Variants in KCTD1 observed in about 807,000 individuals in gnomAD.
KCTD1 encodes the protein BTB/POZ domain-containing protein KCTD1.
In KCTD1, 24 loss-of-function variants were observed where a neutral mutation model predicts 66.0. That is an observed-to-expected ratio of 0.36 (90% CI 0.26 to 0.51). The LOEUF (loss-of-function observed/expected upper bound fraction) is 0.51, where lower values mean the gene tolerates loss of function less well. Among genes scored for constraint, KCTD1 ranks in the 20% least tolerant of loss-of-function variants. The probability of loss-of-function intolerance (pLI) is 0.95; values close to 1 mark genes in which losing one functional copy is unlikely to be tolerated. For synonymous variants in KCTD1, 511 were observed against 517.2 expected, an observed-to-expected ratio of 0.99 and a Z score of 0.16; for missense variants, 943 against 1,205.2, an observed-to-expected ratio of 0.78 and a Z score of 3.22.
At chr18:26,516,438 C>G (rs535397329) in intron 1 of KCTD1, among the ~76,000 whole-genome samples, 1 of 152,254 alleles carries the variant, frequency 6.6e-6, no homozygotes, top group South Asian at 2.1e-4. Flanking sequence ...CTTCAGTCCT[C>G]CCGCCAACCA....
chr18:26,653,397 C>T (rs576482290), intron 1 of KCTD1, among the ~76,000 whole-genome samples: 5 of 152,334 alleles, frequency 3.3e-5, no homozygotes, highest in African/African-American at 9.6e-5. Flanking sequence ...TCCTTTAGAT[C>T]TCAGTGTGTG....
intron 1 of KCTD1, among the ~76,000 whole-genome samples, chr18:26,636,815 A>T (rs537434766): frequency 6.6e-6 from 1 of 152,174 alleles, no homozygotes; most frequent in African/African-American, 2.4e-5. Flanking sequence ...GGCCCCCACT[A>T]AAGTTATTTG....
chr18:26,569,811 T>G (rs761661524), intron 1 of KCTD1, among the ~76,000 whole-genome samples: 1 of 152,202 alleles, frequency 6.6e-6, no homozygotes, highest in Non-Finnish European at 1.5e-5. Context: ...ACACAGCTTA[T>G]AAAGCTATTC....
At chr18:26,510,990 C>A (rs529490680) in intron 1 of KCTD1, among the ~76,000 whole-genome samples, 7 of 152,134 alleles carry the variant, frequency 4.6e-5, no homozygotes, top group African/African-American at 1.7e-4. Flanking sequence ...ATGCTATGGG[C>A]AAAAATTTTC....
chr18:26,634,145 T>G (rs1361225779), upstream of KCTD1, among the ~76,000 whole-genome samples: 3 of 152,156 alleles, frequency 2.0e-5, no homozygotes, highest in Non-Finnish European at 4.4e-5. Flanking sequence ...TATGTATCAG[T>G]ATGTTTAAAT....
intron 1 of KCTD1, among the ~76,000 whole-genome samples, chr18:26,534,406 T>G (rs1984591538): frequency 6.6e-6 from 1 of 152,168 alleles, no homozygotes; most frequent in Admixed American, 6.5e-5. Flanking sequence ...CATTATTTTA[T>G]CCTTGCCAAA....
intron 3 of KCTD1, among the ~76,000 whole-genome samples, chr18:26,464,516 C>A (rs141242296): frequency 5.3e-5 from 8 of 152,312 alleles, no homozygotes; most frequent in Admixed American, 2.0e-4. Context: ...GGCAAGCTTC[C>A]CCCTCACAGT....
chr18:26,469,534 T>C (rs963701997), intron 3 of KCTD1, among the ~76,000 whole-genome samples: 3 of 152,246 alleles, frequency 2.0e-5, no homozygotes, highest in African/African-American at 7.2e-5. Context: ...TAAAAATGAA[T>C]GGCTACTATC....
rs181685983 is a variant in KCTD1, at chr18:26,562,675, G to T, written c.-15-61425C>A. 3.1e-3 allele frequency among the ~76,000 whole-genome samples: 477 copies of T among 152,250 alleles called. 1 individual carries two copies. Among genetic ancestry groups the T allele is most frequent in the African/African-American group, 9.7e-3 (401 of 41,528 alleles). On this transcript the variant is annotated intron_variant, in intron 1 of 4. Coordinates refer to the KCTD1 transcript ENST00000317932. ...ATTAACAAAATACTATAGACTGGGTGGCTTAAACAACAGAAATTAATTTTC... is the reference window on the plus strand; with the variant it reads ...ATTAACAAAATACTATAGACTGGGTTGCTTAAACAACAGAAATTAATTTTC...
intron 2 of KCTD1, among the ~76,000 whole-genome samples, chr18:26,500,779 C>CT: frequency 6.6e-6 from 1 of 152,258 alleles, no homozygotes; most frequent in African/African-American, 2.4e-5. Context: ...AAATCACCAT[C>CT]TTTTTTTGTA....
chr18:26,458,192 C>T (rs1980205289), intron 4 of KCTD1: 1 of 152,400 alleles, frequency 6.6e-6, no homozygotes, highest in African/African-American at 2.4e-5. Context: ...AGCAGCCAGC[C>T]CGCCGCCTGG....
At chr18:26,529,935 G>T (rs1228980881) in intron 1 of KCTD1, among the ~76,000 whole-genome samples, 3 of 152,214 alleles carry the variant, frequency 2.0e-5, no homozygotes, top group African/African-American at 7.2e-5. Flanking sequence ...AAAGTGAGAA[G>T]AGGTGATAAA....
At chr18:26,481,986 A>G (rs1981675009) in intron 2 of KCTD1, among the ~76,000 whole-genome samples, 2 of 152,246 alleles carry the variant, frequency 1.3e-5, no homozygotes, top group South Asian at 4.1e-4. Flanking sequence ...GTGTCAGAGC[A>G]TACTTTCTTA....
intron 1 of KCTD1, 60 bp downstream of exon 1, chr18:26,546,668 A>C: frequency 6.7e-7 from 1 of 1,486,756 alleles, no homozygotes. Flanking sequence ...CATTAGCACA[A>C]AAGTTAGTCC....
intron 1 of KCTD1, among the ~76,000 whole-genome samples, chr18:26,502,350 G>A (rs571520656): frequency 2.6e-5 from 4 of 152,110 alleles, no homozygotes; most frequent in South Asian, 4.2e-4. Flanking sequence ...TGCCCAGCCC[G>A]CCCTGCTAAT....
chr18:26,493,676 C>T (rs74764873), intron 2 of KCTD1, among the ~76,000 whole-genome samples: 6,877 of 152,198 alleles, frequency 0.045, 209 homozygotes, highest in Non-Finnish European at 0.066. Flanking sequence ...TCCATCCCCT[C>T]GAGCATTTAT....
chr18:26,603,430 T>TAA (rs57816578), intron 1 of KCTD1, among the ~76,000 whole-genome samples: 3,559 of 131,044 alleles, frequency 0.027, 82 homozygotes, highest in East Asian at 0.12. Context: ...GAGACCCTGT[T>TAA]AAAAAAAAAA....
intron 1 of KCTD1, among the ~76,000 whole-genome samples, chr18:26,518,787 C>T (rs1376151260): frequency 6.6e-6 from 1 of 152,180 alleles, no homozygotes; most frequent in Non-Finnish European, 1.5e-5. Flanking sequence ...AAGTGATCCT[C>T]CCACTTCAGC....
At chr18:26,561,052 A>G (rs1279838512) in intron 1 of KCTD1, among the ~76,000 whole-genome samples, 1 of 152,248 alleles carries the variant, frequency 6.6e-6, no homozygotes. Context: ...TATTCAACAG[A>G]ACACTATCTA....
Sources: gnomAD v4.1 joint callset for allele counts (sites outside exome capture counted in the v4.1 genomes callset) on GRCh38, gnomAD v4.1.1 for gene constraint, MANE v1.5 for transcripts, NCBI Gene and HGNC (gene_info 2026-07-23, HGNC 2026-07-21) for gene names.